ITPR2: variants seen among roughly 807,000 people sequenced by gnomAD.
The protein encoded by ITPR2 is inositol 1,4,5-trisphosphate-gated calcium channel ITPR2.
Under a neutral mutation model 317.1 loss-of-function variants are expected in ITPR2, and 207 were observed. That is an observed-to-expected ratio of 0.65 (90% CI 0.58 to 0.73). The LOEUF (loss-of-function observed/expected upper bound fraction) is 0.73, where lower values mean the gene tolerates loss of function less well. Among genes scored for constraint, ITPR2 ranks in the 30% least tolerant of loss-of-function variants. The pLI, the probability that ITPR2 is intolerant of heterozygous loss-of-function variation, is 0.00. For synonymous variants in ITPR2, 1,156 were observed against 1,149.1 expected (o/e 1.01, Z -0.12); for missense variants, 2,613 against 3,284.0 (o/e 0.80, Z 4.99).
intron 13 of ITPR2, among the ~76,000 whole-genome samples, chr12:26,670,120 G>C (rs1163449881): frequency 6.6e-6 from 1 of 152,224 alleles, no homozygotes. Flanking sequence ...CTGGGGGCAG[G>C]GCACAGACAA....
chr12:26,604,053 A>C (rs1055566040), intron 26 of ITPR2, among the ~76,000 whole-genome samples: 2 of 152,202 alleles, frequency 1.3e-5, no homozygotes, highest in African/African-American at 4.8e-5. Flanking sequence ...AAGATACATG[A>C]GGCCAATTGA....
In ITPR2 at chr12:26,831,744, ATTC is replaced by A. The variant is rs1951107525; in HGVS notation, c.92+943_92+945del. ...TTCTACATAAAATATATAAATATAT[ATTC>A]TACATAAAATATATAAATATATATT... is the stretch of plus-strand genomic sequence containing the variant. On this transcript the variant is annotated intron_variant, in intron 1 of 56. Coordinates refer to ENST00000381340, the MANE Select transcript of ITPR2 (RefSeq NM_002223.4). The surrounding 1 kb of genome is among the most constrained non-coding windows in gnomAD (Gnocchi z 4.9). Among the ~76,000 whole-genome samples the A allele has an allele frequency of 8.8e-6, 1 of 113,218 alleles. No individual in the cohort carries two copies. Among genetic ancestry groups the A allele is most frequent in the Non-Finnish European group, 2.1e-5 (1 of 46,882 alleles). 74.3% of individuals were successfully genotyped at this position (113,218 alleles called of 152,430 possible).
chr12:26,553,396 T>G (rs1944578338), intron 36 of ITPR2, among the ~76,000 whole-genome samples: 1 of 152,170 alleles, frequency 6.6e-6, no homozygotes, highest in South Asian at 2.1e-4. Context: ...TTCCAAGAAT[T>G]AGATTTATTT....
At chr12:26,682,087 T>C in intron 12 of ITPR2, 53 bp from the exon 13 acceptor site, 1 of 1,438,580 alleles carries the variant, frequency 7.0e-7, no homozygotes, top group Non-Finnish European at 9.7e-7. Context: ...ACAATATTCT[T>C]TGAAGACTAA....
intron 23 of ITPR2, among the ~76,000 whole-genome samples, chr12:26,626,463 T>C (rs1307639394): frequency 6.6e-6 from 1 of 152,244 alleles, no homozygotes; most frequent in African/African-American, 2.4e-5. Flanking sequence ...GGTACTTTAC[T>C]GACACTTAAA....
chr12:26,575,918 G>A (rs762881914), intron 34 of ITPR2, among the ~76,000 whole-genome samples: 24 of 152,200 alleles, frequency 1.6e-4, no homozygotes, highest in South Asian at 6.2e-4. Flanking sequence ...CAACATGCCC[G>A]CTACGCCCTG....
chr12:26,430,423 C>A (rs1941175677), intron 48 of ITPR2, among the ~76,000 whole-genome samples: 1 of 152,172 alleles, frequency 6.6e-6, no homozygotes, highest in Non-Finnish European at 1.5e-5. Context: ...GCCACCACGT[C>A]TGGCTAAATT....
chr12:26,449,511 A>G (rs1941688889), intron 45 of ITPR2, among the ~76,000 whole-genome samples: 2 of 152,144 alleles, frequency 1.3e-5, no homozygotes, highest in South Asian at 4.1e-4. Flanking sequence ...CCTACTTTCT[A>G]GTTGGAGGAA....
Position 26,345,028 on chromosome 12 carries a change from C to G in ITPR2, c.7858-4700G>C, listed in dbSNP as rs1938259633. 2.0e-5 allele frequency among the ~76,000 whole-genome samples: 3 copies of G among 152,156 alleles called. 1 individual carries two copies. In the South Asian group the frequency reaches 6.2e-4, roughly 32 times the overall value. ...CCTTTCTGCTTCTTGTTCCACTCCT[C>G]CCTTCCCTTGTGTATCTGCTGGTCT... On this transcript the variant is annotated intron_variant, in intron 55 of 56. Coordinates refer to ENST00000381340, the MANE Select transcript of ITPR2 (RefSeq NM_002223.4).
intron 45 of ITPR2, among the ~76,000 whole-genome samples, chr12:26,458,201 CA>C (rs1555132604): frequency 7.2e-5 from 11 of 152,138 alleles, no homozygotes; most frequent in Non-Finnish European, 1.6e-4. Flanking sequence ...AAGATGGCAG[CA>C]GGAAGAAACT....
intron 10 of ITPR2, among the ~76,000 whole-genome samples, chr12:26,693,803 T>C (rs1948284210): frequency 6.6e-6 from 1 of 152,194 alleles, no homozygotes; most frequent in Non-Finnish European, 1.5e-5. Context: ...TTAATTAATT[T>C]GTACAATTTG....
At chr12:26,632,666 GA>G (rs1207166759) in intron 21 of ITPR2, among the ~76,000 whole-genome samples, 5 of 152,164 alleles carry the variant, frequency 3.3e-5, no homozygotes, top group Non-Finnish European at 7.4e-5. Context: ...AATTTGAATA[GA>G]AAACCATTAC....
At chr12:26,530,887 A>T (rs2136959188) in intron 37 of ITPR2, among the ~76,000 whole-genome samples, 1 of 152,344 alleles carries the variant, frequency 6.6e-6, no homozygotes, top group South Asian at 2.1e-4. Context: ...ACATTCAGCA[A>T]AGAAGAGGTG....
chr12:26,814,491 ATC>A (rs1950814425), intron 1 of ITPR2, among the ~76,000 whole-genome samples: 1 of 152,344 alleles, frequency 6.6e-6, no homozygotes, highest in East Asian at 1.9e-4. Flanking sequence ...TCTTTATCAC[ATC>A]CAGGAGTGTG....
intron 5 of ITPR2, among the ~76,000 whole-genome samples, chr12:26,721,953 A>G (rs1044104390): frequency 1.3e-5 from 2 of 152,080 alleles, no homozygotes; most frequent in South Asian, 4.1e-4. Context: ...CTCCATCTCT[A>G]TTAAGACTTA....
chr12:26,603,202 T>G (rs1039272434), intron 26 of ITPR2, among the ~76,000 whole-genome samples: 1 of 152,152 alleles, frequency 6.6e-6, no homozygotes, highest in African/African-American at 2.4e-5. Flanking sequence ...CAGGTTACCA[T>G]GGCATCCTTA....
At position 26,436,257 on chromosome 12, in the gene ITPR2, C is replaced by A. The variant is rs1343630123; in HGVS notation, c.6733G>T (p.Ala2245Ser). Residue 2245 changes from alanine to serine, a missense_variant, in exon 48 of 57, where the codon GCT (alanine) becomes TCT (serine). By Grantham distance (99) the Ala-to-Ser change is moderately conservative. Coordinates refer to ENST00000381340, the MANE Select transcript of ITPR2 (RefSeq NM_002223.4). ...TCATCCCCAAATGGGTAGAAGAGAG[C>A]AACAGCTAAATTGATGAACACAGCC... ...NLAVFINLAVALFYPFGDDGD... is the reference protein window; with the variant it reads ...NLAVFINLAVSLFYPFGDDGD... 6.2e-7 allele frequency: 1 copy of A among 1,612,300 alleles called. No individual in the cohort carries two copies. The highest frequency in any genetic ancestry group is 1.7e-5 in the Admixed American group (1 of 59,652).
chr12:26,777,417 T>C (rs1949993786), intron 2 of ITPR2, among the ~76,000 whole-genome samples: 1 of 152,170 alleles, frequency 6.6e-6, no homozygotes, highest in Non-Finnish European at 1.5e-5. Flanking sequence ...GGAACAACAG[T>C]CACTCAACTA....
At chr12:26,653,511 A>T (rs974037729) in intron 21 of ITPR2, among the ~76,000 whole-genome samples, 1 of 152,136 alleles carries the variant, frequency 6.6e-6, no homozygotes, top group African/African-American at 2.4e-5. Context: ...AAGTGCTAGG[A>T]TTACAGGCGT....
Sources: gnomAD v4.1 joint callset for allele counts (sites outside exome capture counted in the v4.1 genomes callset) on GRCh38, gnomAD v4.1.1 for gene constraint, Gnocchi (gnomAD v3.1) non-coding constraint, MANE v1.5 for transcripts, NCBI Gene and HGNC (gene_info 2026-07-23, HGNC 2026-07-21) for gene names.